The following ANKS1B variants were observed in gnomAD, a reference collection of about 807,000 sequenced individuals.
The protein encoded by ANKS1B is ankyrin repeat and sterile alpha motif domain containing 1B.
ANKS1B carries 36 observed loss-of-function variants against 148.3 expected under a neutral mutation model. The ratio of observed to expected loss-of-function variants is 0.24; its 90% CI spans 0.19 to 0.32. The LOEUF (loss-of-function observed/expected upper bound fraction) is 0.32. ANKS1B is among the 10% of genes least tolerant of loss of function. The pLI is 1.00. For synonymous variants in ANKS1B, 542 were observed against 560.8 expected (o/e 0.97, Z 0.47); for missense variants, 1,157 against 1,542.6 (o/e 0.75, Z 4.19).
At chr12:99,572,377 T>C (rs1363459633) in intron 9 of ANKS1B, among the ~76,000 whole-genome samples, 2 of 152,254 alleles carry the variant, frequency 1.3e-5, no homozygotes, top group East Asian at 3.9e-4. Context: ...TACATTTTCC[T>C]ATAGCTTTGT....
rs12306031 is a variant in ANKS1B at position 99,915,331 on chromosome 12, T to C, written c.134+68773A>G. Among the ~76,000 whole-genome samples the C allele has an allele frequency of 3.2e-3, 484 of 151,652 alleles. 5 individuals carry two copies. Among genetic ancestry groups the C allele is most frequent in the African/African-American group, 0.011 (451 of 41,366 alleles). On this transcript the variant is annotated intron_variant, in intron 1 of 26. Coordinates refer to ENST00000683438, the MANE Select transcript of ANKS1B (RefSeq NM_001352186.2). Reference sequence around the variant, plus strand: ...TCACCGAAAAAGTCAGCTGAGCCTATCTGACATGTGTCATTAGAACTGAGA... The same window carrying C: ...TCACCGAAAAAGTCAGCTGAGCCTACCTGACATGTGTCATTAGAACTGAGA...
At chr12:99,180,626 G>GTTTTTTTTTTTTTTTTTT (rs11415606) in intron 14 of ANKS1B, among the ~76,000 whole-genome samples, 1 of 126,042 alleles carries the variant, frequency 7.9e-6, no homozygotes, top group Non-Finnish European at 1.7e-5. Flanking sequence ...GAGGGAAAGG[G>GTTTTTTTTTTTTTTTTTT]TTTTTTTTTT....
intron 15 of ANKS1B, among the ~76,000 whole-genome samples, chr12:99,119,368 C>T (rs1046125500): frequency 6.6e-6 from 1 of 152,100 alleles, no homozygotes; most frequent in Non-Finnish European, 1.5e-5. Flanking sequence ...CTTGATTTTG[C>T]CCAAGTGATA....
intron 9 of ANKS1B, among the ~76,000 whole-genome samples, chr12:99,625,957 G>T (rs1173407602): frequency 6.6e-6 from 1 of 152,060 alleles, no homozygotes; most frequent in Non-Finnish European, 1.5e-5. Flanking sequence ...CTATGCTTTG[G>T]TCTGCCACAC....
intron 17 of ANKS1B, among the ~76,000 whole-genome samples, chr12:98,943,283 C>T (rs981700133): frequency 6.6e-6 from 1 of 152,186 alleles, no homozygotes; most frequent in Non-Finnish European, 1.5e-5. Flanking sequence ...GTTCCAAACT[C>T]AAGGCTATTT....
intron 12 of ANKS1B, among the ~76,000 whole-genome samples, chr12:99,369,763 T>TAGATAGAC (rs2092992238): frequency 7.2e-6 from 1 of 139,626 alleles, no homozygotes; most frequent in Non-Finnish European, 1.5e-5. Context: ...GATAGATAGA[T>TAGATAGAC]AGATAGATAG....
At chr12:99,607,825 A>T (rs750200720) in intron 9 of ANKS1B, among the ~76,000 whole-genome samples, 2 of 152,100 alleles carry the variant, frequency 1.3e-5, no homozygotes, top group African/African-American at 2.4e-5. Context: ...TACATCTCAA[A>T]AGCACAGAGA....
intron 22 of ANKS1B, among the ~76,000 whole-genome samples, chr12:98,783,442 G>C: frequency 6.6e-6 from 1 of 152,198 alleles, no homozygotes; most frequent in Non-Finnish European, 1.5e-5. Context: ...AGGTCTGATA[G>C]GAAGAACAGC....
chr12:99,444,412 A>G (rs1656215822), intron 10 of ANKS1B, among the ~76,000 whole-genome samples: 3 of 152,022 alleles, frequency 2.0e-5, no homozygotes, highest in African/African-American at 7.2e-5. Flanking sequence ...CTATGTGGTC[A>G]AAGCTAAATG....
chr12:99,685,745 T>TGC (rs1403482865), intron 8 of ANKS1B, among the ~76,000 whole-genome samples: 1 of 143,944 alleles, frequency 6.9e-6, no homozygotes, highest in Non-Finnish European at 1.5e-5. Context: ...TGTGTGTGTA[T>TGC]ACATATATAT....
At chr12:99,261,344 GCTGTTCCTT>G (rs2075904996) in intron 12 of ANKS1B, among the ~76,000 whole-genome samples, 1 of 152,038 alleles carries the variant, frequency 6.6e-6, no homozygotes, top group Non-Finnish European at 1.5e-5. Context: ...TACCTCCTAG[GCTGTTCCTT>G]CTCATTCTCT....
intron 19 of ANKS1B, among the ~76,000 whole-genome samples, chr12:98,818,955 C>T (rs1020265156): frequency 1.3e-5 from 2 of 152,156 alleles, no homozygotes; most frequent in Non-Finnish European, 2.9e-5. Flanking sequence ...TCCTCTTGAA[C>T]GATGCCAAGC....
downstream of ANKS1B, among the ~76,000 whole-genome samples, chr12:98,743,371 A>G (rs1363428638): frequency 6.6e-6 from 1 of 152,248 alleles, no homozygotes; most frequent in African/African-American, 2.4e-5. Flanking sequence ...ATACAATTTA[A>G]TAAGAAACAA....
rs369050618 is a variant in ANKS1B at position 99,857,652 on chromosome 12, G to C, written c.135-32263C>G. Among the ~76,000 whole-genome samples the C allele has an allele frequency of 3.9e-5, 6 of 152,086 alleles. No individual in the cohort carries two copies. In the East Asian group the frequency reaches 7.7e-4, roughly 20 times the overall value. On this transcript the variant is annotated intron_variant, in intron 1 of 26. Transcript: ENST00000683438. ...CCTCAAACTATACTAAAAGGCAATAGTCACCAAAACAACATAGTACTGGTA... is the reference window on the plus strand; with the variant it reads ...CCTCAAACTATACTAAAAGGCAATACTCACCAAAACAACATAGTACTGGTA...
At chr12:99,725,534 G>C (rs1056844512) in intron 8 of ANKS1B, among the ~76,000 whole-genome samples, 6 of 152,136 alleles carry the variant, frequency 3.9e-5, no homozygotes, top group African/African-American at 7.2e-5. Flanking sequence ...AAGAGACTTA[G>C]ACTCCCACAC....
At chr12:99,368,242 G>A (rs1289966747) in intron 12 of ANKS1B, among the ~76,000 whole-genome samples, 1 of 152,072 alleles carries the variant, frequency 6.6e-6, no homozygotes, top group Non-Finnish European at 1.5e-5. Flanking sequence ...GAGGGTGGAA[G>A]GGGGCAAAGG....
At position 99,688,705 on chromosome 12, in the gene ANKS1B, C is replaced by G. The variant is rs1380527617; in HGVS notation, c.1129-33495G>C. Among the ~76,000 whole-genome samples, 11 of 151,986 alleles carry G rather than the reference C, an allele frequency of 7.2e-5. 1 individual carries two copies. Among genetic ancestry groups the G allele is most frequent in the African/African-American group, 1.5e-4 (6 of 41,378 alleles). On this transcript the variant is annotated intron_variant, in intron 8 of 26. Transcript: ENST00000683438. ...ACATAGCCAAGTATAGTGGTGCACACCTGTAGTCCAAACTACTTAGAACTA... is the reference window on the plus strand; with the variant it reads ...ACATAGCCAAGTATAGTGGTGCACAGCTGTAGTCCAAACTACTTAGAACTA...
intron 9 of ANKS1B, among the ~76,000 whole-genome samples, chr12:99,561,757 T>G (rs891094302): frequency 6.6e-6 from 1 of 152,226 alleles, no homozygotes; most frequent in Non-Finnish European, 1.5e-5. Flanking sequence ...CACTGAAGTC[T>G]TGAACCTCTC....
At chr12:98,924,305 G>A (rs1490105785) in intron 17 of ANKS1B, among the ~76,000 whole-genome samples, 1 of 152,166 alleles carries the variant, frequency 6.6e-6, no homozygotes, top group East Asian at 1.9e-4. Context: ...CGGGCCTAAA[G>A]GAATGGCAAT....
Sources: allele counts gnomAD v4.1 joint callset (sites outside exome capture counted in the v4.1 genomes callset), GRCh38; gene constraint gnomAD v4.1.1; transcripts MANE v1.5; gene names NCBI Gene and HGNC (gene_info 2026-07-23, HGNC 2026-07-21).